The following PMFBP1 variants were observed in gnomAD, a reference collection of about 807,000 sequenced individuals.
PMFBP1 encodes the protein polyamine modulated factor 1 binding protein 1, also known as polyamine-modulated factor 1-binding protein 1.
Under a neutral mutation model 137.8 loss-of-function variants are expected in PMFBP1, and 131 were observed. The observed-to-expected ratio is 0.95, with a 90% CI of 0.82 to 1.10. The LOEUF is 1.10. Ranked by LOEUF, PMFBP1 falls within the 50% of genes least tolerant of loss-of-function variation. PMFBP1 has a pLI of 0.00. For missense variants in PMFBP1, 1,199 were observed against 1,175.4 expected, an observed-to-expected ratio of 1.02 and a Z score of -0.29; for synonymous variants, 490 against 450.4, an observed-to-expected ratio of 1.09 and a Z score of -1.11.
chr16:72,207,275 G>C, the PMFBP1 span, among the ~76,000 whole-genome samples: 1 of 152,130 alleles, frequency 6.6e-6, no homozygotes, highest in South Asian at 2.1e-4. Flanking sequence ...TGAAAAGATG[G>C]TGATGGCCTC....
Position 72,119,229 on chromosome 16 carries a change from G to T in PMFBP1, c.*109C>A. ...GTCTTGCAAAATAGGCTGGGACCGT[G>T]ATATACTCCTGTAAGAGCTGATCCA... On this transcript the variant is annotated 3_prime_UTR_variant, in exon 21 of 21. Coordinates refer to ENST00000237353, the MANE Select transcript of PMFBP1 (RefSeq NM_031293.3). 1 of 1,275,382 alleles carries T rather than the reference G, an allele frequency of 7.8e-7. No individual in the cohort carries two copies. Among genetic ancestry groups the T allele is most frequent in the Non-Finnish European group, 1.1e-6 (1 of 882,000 alleles). 79.0% of individuals were successfully genotyped at this position (1,275,382 alleles called of 1,614,324 possible).
the PMFBP1 span, among the ~76,000 whole-genome samples, chr16:72,237,157 T>C: frequency 6.6e-6 from 1 of 152,160 alleles, no homozygotes; most frequent in African/African-American, 2.4e-5. Context: ...GGAAAATCAT[T>C]GAGCAGACAC....
the PMFBP1 span, among the ~76,000 whole-genome samples, chr16:72,229,040 T>C: frequency 6.6e-6 from 1 of 152,034 alleles, no homozygotes; most frequent in Non-Finnish European, 1.5e-5. Context: ...ATGTCTATTG[T>C]TCCCTTCTTT....
the PMFBP1 span, among the ~76,000 whole-genome samples, chr16:72,241,932 T>C: frequency 1.3e-5 from 2 of 152,198 alleles, no homozygotes; most frequent in Admixed American, 1.3e-4. Flanking sequence ...ATTTTTAATT[T>C]ATAATTAACA....
chr16:72,154,136 C>CT (rs2042946423), intron 4 of PMFBP1, 75 bp downstream of exon 4: 2 of 1,557,742 alleles, frequency 1.3e-6, no homozygotes. Context: ...CCAGCGTCTG[C>CT]TTTCTAGTGG....
At chr16:72,211,235 C>G in the PMFBP1 span, among the ~76,000 whole-genome samples, 1 of 152,252 alleles carries the variant, frequency 6.6e-6, no homozygotes, top group South Asian at 2.1e-4. Flanking sequence ...GGTCAAAAGG[C>G]TTGGATAAAA....
chr16:72,191,676 G>A, the PMFBP1 span, among the ~76,000 whole-genome samples: 10 of 152,076 alleles, frequency 6.6e-5, no homozygotes, highest in South Asian at 1.9e-3. Context: ...TCTATTGTAC[G>A]TTCTGGTTCA....
At chr16:72,128,409 T>G (rs1216547087) in intron 14 of PMFBP1, 12 of 1,442,676 alleles carry the variant, frequency 8.3e-6, no homozygotes, top group Non-Finnish European at 1.1e-5. Flanking sequence ...GAAGACTTGA[T>G]GCCAAAGCCC....
At chr16:72,244,561 T>C in the PMFBP1 span, among the ~76,000 whole-genome samples, 1 of 152,192 alleles carries the variant, frequency 6.6e-6, no homozygotes, top group Admixed American at 6.5e-5. Context: ...CAAGTATGAC[T>C]GAGATTCCAG....
chr16:72,164,561 G>T (rs2043115181), intron 3 of PMFBP1: 1 of 1,290,412 alleles, frequency 7.7e-7, no homozygotes, highest in Non-Finnish European at 1.1e-6. Flanking sequence ...GAGATAGATG[G>T]AAAAGTCCTG....
chr16:72,236,062 G>T, the PMFBP1 span, among the ~76,000 whole-genome samples: 1 of 152,030 alleles, frequency 6.6e-6, no homozygotes, highest in Non-Finnish European at 1.5e-5. Context: ...GTTTTCTCTT[G>T]TTCCTGATCT....
chr16:72,164,069 A>G (rs1597490336), intron 3 of PMFBP1, among the ~76,000 whole-genome samples: 1 of 145,266 alleles, frequency 6.9e-6, no homozygotes, highest in Middle Eastern at 3.5e-3. Context: ...ACATTGGGTT[A>G]AAAAAAAAAA....
At chr16:72,175,712 C>CATA (rs2043256778), upstream of PMFBP1, among the ~76,000 whole-genome samples, 1 of 152,158 alleles carries the variant, frequency 6.6e-6, no homozygotes, top group South Asian at 2.1e-4. Flanking sequence ...TATACTAAGC[C>CATA]ATAAGTCTTT....
At chr16:72,120,910 A>G (rs1487274129) in intron 19 of PMFBP1, among the ~76,000 whole-genome samples, 1 of 152,220 alleles carries the variant, frequency 6.6e-6, no homozygotes, top group Admixed American at 6.5e-5. Context: ...GGTCTTATGA[A>G]GATGAAATGA....
the PMFBP1 span, among the ~76,000 whole-genome samples, chr16:72,214,625 T>G: frequency 4.6e-5 from 7 of 152,100 alleles, no homozygotes. Flanking sequence ...TCCTGTAGAG[T>G]TCCCAGCATA....
chr16:72,225,732 T>TAATAATAATAATAATAA, the PMFBP1 span, among the ~76,000 whole-genome samples: 1 of 147,568 alleles, frequency 6.8e-6, no homozygotes, highest in South Asian at 2.1e-4. Flanking sequence ...ATAATAATAA[T>TAATAATAATAATAATAA]AATAATAATA....
At chr16:72,187,977 A>G in the PMFBP1 span, among the ~76,000 whole-genome samples, 1 of 152,238 alleles carries the variant, frequency 6.6e-6, no homozygotes, top group African/African-American at 2.4e-5. Context: ...ATGCTTTAAT[A>G]CAATGTCTCT....
chr16:72,172,991 C>T (rs980259695), upstream of PMFBP1, among the ~76,000 whole-genome samples: 3 of 152,190 alleles, frequency 2.0e-5, no homozygotes, highest in African/African-American at 7.2e-5. Flanking sequence ...GGCGAACTCA[C>T]AAATGACTTC....
At chr16:72,235,410 AATTACTATAACTTT>A in the PMFBP1 span, among the ~76,000 whole-genome samples, 2 of 151,886 alleles carry the variant, frequency 1.3e-5, no homozygotes, top group African/African-American at 4.8e-5. Flanking sequence ...ACACTGTCTT[AATTACTATAACTTT>A]GTAGTAGTTT....
Sources: allele counts gnomAD v4.1 joint callset (sites outside exome capture counted in the v4.1 genomes callset), GRCh38; gene constraint gnomAD v4.1.1; transcripts MANE v1.5; gene names NCBI Gene and HGNC (gene_info 2026-07-23, HGNC 2026-07-21).